Variants in CHM observed in about 807,000 individuals in gnomAD.
CHM encodes the protein rab proteins geranylgeranyltransferase component A 1.
A neutral mutation model predicts 49.0 loss-of-function variants in CHM; 10 were observed. That is an observed-to-expected ratio of 0.20 (90% CI 0.13 to 0.35). The LOEUF is 0.35. CHM is among the 10% of genes least tolerant of loss of function. The pLI is 1.00. For synonymous variants in CHM, 184 were observed against 167.5 expected (o/e 1.10, Z -0.76); for missense variants, 455 against 478.4 (o/e 0.95, Z 0.46).
chrX:86,011,502 C>T (rs1025530685), intron 2 of CHM, among the ~76,000 whole-genome samples: 2 of 111,252 alleles, frequency 1.8e-5, no homozygotes, highest in African/African-American at 6.5e-5. Flanking sequence ...AAACTTGGAG[C>T]ACAAGTAAAT....
intron 8 of CHM, among the ~76,000 whole-genome samples, chrX:85,937,086 G>C (rs946005022): frequency 9.1e-6 from 1 of 109,489 alleles, no homozygotes; most frequent in Non-Finnish European, 1.9e-5. Flanking sequence ...CTAACACAGT[G>C]AAACCCCGTC....
chrX:85,950,119 C>A (rs1929666559), intron 8 of CHM, among the ~76,000 whole-genome samples: 2 of 102,307 alleles, frequency 2.0e-5, no homozygotes, highest in Admixed American at 2.2e-4. Context: ...GAAGCAAACA[C>A]AAATAATCCC....
At chrX:86,002,477 G>T (rs774084692) in intron 2 of CHM, among the ~76,000 whole-genome samples, 8 of 112,170 alleles carry the variant, frequency 7.1e-5, no homozygotes, top group African/African-American at 2.3e-4. Flanking sequence ...GCAGCTCCCA[G>T]TGTGATCAAC....
chrX:85,974,186 T>A (rs553611689), intron 4 of CHM, among the ~76,000 whole-genome samples: 1 of 112,254 alleles, frequency 8.9e-6, no homozygotes, highest in African/African-American at 3.2e-5. Context: ...AGGTATGCAA[T>A]TAGTAAAACA....
intron 2 of CHM, among the ~76,000 whole-genome samples, chrX:86,015,745 T>A (rs1169842381): frequency 1.8e-5 from 2 of 112,470 alleles, no homozygotes; most frequent in African/African-American, 6.5e-5. Flanking sequence ...TGGTGGCATT[T>A]TGCCCATGCC....
At chrX:85,938,120 A>C (rs1430469815) in intron 8 of CHM, among the ~76,000 whole-genome samples, 1 of 111,970 alleles carries the variant, frequency 8.9e-6, no homozygotes, top group Non-Finnish European at 1.9e-5. Flanking sequence ...TCTGTGAATA[A>C]CCTGGAAAAA....
intron 1 of CHM, among the ~76,000 whole-genome samples, chrX:86,036,088 C>A (rs757272301): frequency 5.7e-4 from 63 of 111,132 alleles, no homozygotes; most frequent in African/African-American, 1.9e-3. Flanking sequence ...ACACCATGCC[C>A]AGCCAACTCT....
intron 9 of CHM, among the ~76,000 whole-genome samples, chrX:85,906,438 T>A (rs1226896915): frequency 8.9e-6 from 1 of 112,058 alleles, no homozygotes; most frequent in Non-Finnish European, 1.9e-5. Flanking sequence ...ACAAGTTTTG[T>A]CTATTTAGTT....
intron 5 of CHM, 83 bp from the exon 6 acceptor site, chrX:85,959,060 A>G: frequency 9.4e-7 from 1 of 1,061,584 alleles, no homozygotes; most frequent in Non-Finnish European, 1.3e-6. Context: ...ATTTTGCTAT[A>G]TTTTTTATTA....
At chrX:85,876,372 T>C (rs748976343) in intron 13 of CHM, among the ~76,000 whole-genome samples, 5 of 112,150 alleles carry the variant, frequency 4.5e-5, no homozygotes, top group East Asian at 5.6e-4. Context: ...TAAGGTATTA[T>C]ATGAATGTCA....
Position 85,864,667 on chromosome X carries a change from C to G in CHM, c.1925G>C (p.Ser642Thr). The G allele has an allele frequency of 8.3e-7, 1 of 1,210,170 alleles. No individual in the cohort carries two copies. Among genetic ancestry groups the G allele is most frequent in the Non-Finnish European group, 1.1e-6 (1 of 894,820 alleles). ...PEANSETFKE[S>T]TNLGNLEESS... ...CTCCTCTAGGTTTCCAAGGTTTGTG[C>G]TTTCCTTGAAAGTCTCCGAGTTAGC... Residue 642 changes from serine (S) to threonine (T), a missense_variant, in exon 15 of 15, where the codon AGC becomes ACC. Ser to Thr is a moderately conservative substitution (Grantham distance 58). Coordinates refer to ENST00000357749, the MANE Select transcript of CHM (RefSeq NM_000390.4).
chrX:86,042,551 C>T (rs935063197), intron 1 of CHM, among the ~76,000 whole-genome samples: 1 of 110,439 alleles, frequency 9.1e-6, no homozygotes, highest in African/African-American at 3.3e-5. Context: ...GGCACAGTGG[C>T]TCCCATCTGT....
intron 1 of CHM, among the ~76,000 whole-genome samples, chrX:86,034,667 G>A (rs1319976324): frequency 9.0e-6 from 1 of 110,955 alleles, no homozygotes; most frequent in African/African-American, 3.3e-5. Context: ...GTAATCCCAG[G>A]TACTCGGGAG....
At chrX:85,881,637 A>G (rs1454620151) in intron 12 of CHM, among the ~76,000 whole-genome samples, 2 of 111,533 alleles carry the variant, frequency 1.8e-5, no homozygotes, top group Non-Finnish European at 3.8e-5. Context: ...AAATTATATT[A>G]TGTGATTCTA....
chrX:85,933,176 G>C (rs1179792313), intron 8 of CHM, among the ~76,000 whole-genome samples: 1 of 110,474 alleles, frequency 9.1e-6, no homozygotes, highest in Non-Finnish European at 1.9e-5. Flanking sequence ...CCTCTGAAGA[G>C]CCATTGCACT....
rs1923583534 is a variant in CHM at position 85,864,783 on chromosome X, A to G, written c.1809T>C (p.Asp603=). 1.7e-6 allele frequency: 2 copies of G among 1,209,559 alleles called. No homozygotes were observed. The highest frequency in any genetic ancestry group is 1.8e-5 in the South Asian group (1 of 56,452). The change falls in exon 15 of 15, where the codon GAT becomes GAC. Residue 603 remains aspartate, a synonymous_variant. Transcript: ENST00000357749. ...CAGGATTTGGTGGAGGGGGACAGAAATCTTCATTGGGGCAGATTTCCTGGA... is the reference window on the plus strand; with the variant it reads ...CAGGATTTGGTGGAGGGGGACAGAAGTCTTCATTGGGGCAGATTTCCTGGA... ...TLFQEICPNE[D]FCPPPPNPED...
At chrX:85,891,649 C>A (rs1160764580) in intron 12 of CHM, among the ~76,000 whole-genome samples, 1 of 112,621 alleles carries the variant, frequency 8.9e-6, no homozygotes, top group African/African-American at 3.2e-5. Flanking sequence ...CAAAAGACTG[C>A]TGCAGGGGTG....
intron 8 of CHM, among the ~76,000 whole-genome samples, chrX:85,917,805 A>G (rs977077589): frequency 3.1e-5 from 2 of 63,719 alleles, no homozygotes; most frequent in African/African-American, 6.3e-5. Context: ...AATCTGAGGG[A>G]AAAAAAAAAA....
At chrX:85,934,293 T>C (rs1224204461) in intron 8 of CHM, among the ~76,000 whole-genome samples, 5 of 103,728 alleles carry the variant, frequency 4.8e-5, no homozygotes, top group Non-Finnish European at 9.9e-5. Context: ...TTTTTTTTTT[T>C]TTTTTTTTTT....
Sources: gnomAD v4.1 joint callset for allele counts (sites outside exome capture counted in the v4.1 genomes callset) on GRCh38, gnomAD v4.1.1 for gene constraint, MANE v1.5 for transcripts, NCBI Gene and HGNC (gene_info 2026-07-23, HGNC 2026-07-21) for gene names.